FMN2: variants seen among roughly 807,000 people sequenced by gnomAD.
FMN2 encodes formin-2.
Under a neutral mutation model 142.3 loss-of-function variants are expected in FMN2, and 51 were observed. That is an observed-to-expected ratio of 0.36 (90% CI 0.29 to 0.45). FMN2 has a LOEUF of 0.45. Among genes scored for constraint, FMN2 ranks in the 20% least tolerant of loss-of-function variants. FMN2 has a pLI of 1.00. For synonymous variants in FMN2, 882 were observed against 869.8 expected (o/e 1.01, Z -0.25); for missense variants, 1,936 against 2,122.8 (o/e 0.91, Z 1.73).
rs139965554 is a variant in FMN2, at chr1:240,381,017, T to TA, written c.4859-11487dup. On this transcript the variant is annotated intron_variant, in intron 14 of 17. Coordinates refer to ENST00000319653, the MANE Select transcript of FMN2 (RefSeq NM_020066.5). ...AATGAAATTGAGTCAGTAATTTTTTTAAAAAAATCTCTAAACAAAAATAAG... is the reference window on the plus strand; with the variant it reads ...AATGAAATTGAGTCAGTAATTTTTTTAAAAAAAATCTCTAAACAAAAATAAG... Among the ~76,000 whole-genome samples the TA allele has an allele frequency of 4.8e-3, 733 of 152,196 alleles. 2 individuals are homozygous for TA. Among genetic ancestry groups the TA allele is most frequent in the African/African-American group, 0.017 (692 of 41,524 alleles).
intron 15 of FMN2, among the ~76,000 whole-genome samples, chr1:240,419,339 A>G (rs1478154703): frequency 1.3e-5 from 2 of 152,108 alleles, no homozygotes; most frequent in Admixed American, 6.5e-5. Context: ...ATATTGGTAC[A>G]TATCAGCTCT....
At chr1:240,122,550 T>C (rs913502340) in intron 1 of FMN2, among the ~76,000 whole-genome samples, 3 of 152,118 alleles carry the variant, frequency 2.0e-5, no homozygotes, top group Non-Finnish European at 2.9e-5. Context: ...CCCAAAGTGC[T>C]GGGATTACAG....
chr1:240,280,350 C>T (rs1669354889), intron 7 of FMN2, among the ~76,000 whole-genome samples: 2 of 144,410 alleles, frequency 1.4e-5, no homozygotes, highest in Admixed American at 1.4e-4. Flanking sequence ...GTTTGTGTAG[C>T]ACTACACTGA....
At chr1:240,158,410 A>T (rs1571999861) in intron 2 of FMN2, among the ~76,000 whole-genome samples, 1 of 152,098 alleles carries the variant, frequency 6.6e-6, no homozygotes, top group Admixed American at 6.6e-5. Flanking sequence ...TATATAATTT[A>T]TTCTTATCAA....
chr1:240,367,823 T>C (rs1672734384), intron 14 of FMN2, among the ~76,000 whole-genome samples: 1 of 141,726 alleles, frequency 7.1e-6, no homozygotes, highest in Admixed American at 7.0e-5. Context: ...TTGGTAAAGA[T>C]AATGTCCTTT....
intron 1 of FMN2, among the ~76,000 whole-genome samples, chr1:240,107,563 T>A (rs16839436): frequency 0.053 from 8,116 of 152,222 alleles, 717 homozygotes; most frequent in African/African-American, 0.18. Flanking sequence ...CATGACCTTT[T>A]AAAAAAATAC....
At chr1:240,210,965 C>G (rs1396045212) in intron 5 of FMN2, 126 bp from the exon 6 acceptor site, 3 of 770,486 alleles carry the variant, frequency 3.9e-6, no homozygotes, top group Non-Finnish European at 6.0e-6. Context: ...TCCTTCTTAT[C>G]TCTCTTCTTT....
chr1:240,177,163 G>A (rs947014922), intron 2 of FMN2, among the ~76,000 whole-genome samples: 3 of 152,140 alleles, frequency 2.0e-5, no homozygotes, highest in Non-Finnish European at 4.4e-5. Flanking sequence ...ATCCTAAAAT[G>A]GTTGAACACA....
At chr1:240,346,861 A>G (rs7552602) in intron 13 of FMN2, among the ~76,000 whole-genome samples, 51,092 of 152,030 alleles carry the variant, frequency 0.34, 8,958 homozygotes, top group Admixed American at 0.45. Context: ...TAAAGAACAT[A>G]AGAAATTTAA....
At chr1:240,179,247 C>T (rs1665052674) in intron 3 of FMN2, 1 of 150,090 alleles carries the variant, frequency 6.7e-6, no homozygotes, top group Non-Finnish European at 1.5e-5. Flanking sequence ...CATGAGGTCC[C>T]TTTCAACCGA....
intron 16 of FMN2, among the ~76,000 whole-genome samples, chr1:240,464,826 A>G (rs12746808): frequency 0.28 from 43,214 of 152,046 alleles, 7,184 homozygotes; most frequent in East Asian, 0.51. Context: ...AAGCAGCTCA[A>G]AGATGTTTTT....
chr1:240,303,897 T>A (rs1048700932), intron 8 of FMN2, among the ~76,000 whole-genome samples: 3 of 152,168 alleles, frequency 2.0e-5, no homozygotes, highest in African/African-American at 7.2e-5. Context: ...CTGATCCATC[T>A]TCAAGTTCAT....
chr1:240,294,787 T>G (rs1432002399), intron 7 of FMN2, 35 bp from the exon 8 acceptor site: 1 of 1,608,216 alleles, frequency 6.2e-7, no homozygotes, highest in Non-Finnish European at 8.5e-7. Flanking sequence ...CACAGGTGGC[T>G]TATGGCAATT....
intron 6 of FMN2, among the ~76,000 whole-genome samples, chr1:240,213,112 T>G (rs1464772890): frequency 1.3e-5 from 2 of 152,228 alleles, no homozygotes; most frequent in Non-Finnish European, 2.9e-5. Context: ...AACTTCACAT[T>G]AAACTAGTTG....
intron 7 of FMN2, among the ~76,000 whole-genome samples, chr1:240,269,246 ATT>A (rs1668912020): frequency 6.6e-6 from 1 of 151,834 alleles, no homozygotes; most frequent in South Asian, 2.1e-4. Flanking sequence ...ATCTATTTTC[ATT>A]TTTGTGTATA....
At chr1:240,191,066 A>G (rs570010241) in intron 4 of FMN2, among the ~76,000 whole-genome samples, 2 of 152,300 alleles carry the variant, frequency 1.3e-5, no homozygotes, top group South Asian at 4.1e-4. Flanking sequence ...TTTCTGGTCC[A>G]TCAGCGTTGC....
intron 16 of FMN2, among the ~76,000 whole-genome samples, chr1:240,456,684 G>A (rs1042186477): frequency 6.6e-6 from 1 of 152,134 alleles, no homozygotes; most frequent in Non-Finnish European, 1.5e-5. Flanking sequence ...GCGAACTCCC[G>A]ACCTCAGGTG....
At position 240,371,131 on chromosome 1, in the gene FMN2, T is replaced by G. The variant is rs565264899; in HGVS notation, c.4858+15223T>G. On this transcript the variant is annotated intron_variant, in intron 14 of 17. Transcript: ENST00000319653. The stretch of plus-strand genomic sequence containing the variant: ...TTTTTTTTTATTTTTTGTTTTTTGG[T>G]TTTTTTTTGGTAGAGACGAGGTTTC... 2.5e-3 allele frequency among the ~76,000 whole-genome samples: 374 copies of G among 150,924 alleles called. 1 individual carries two copies. Among genetic ancestry groups the G allele is most frequent in the African/African-American group, 8.1e-3 (331 of 41,108 alleles).
intron 6 of FMN2, among the ~76,000 whole-genome samples, chr1:240,238,133 A>G (rs1311734783): frequency 1.3e-5 from 2 of 152,178 alleles, no homozygotes; most frequent in Non-Finnish European, 2.9e-5. Flanking sequence ...TACTTATCGA[A>G]AATTCAAATT....
Sources: allele counts gnomAD v4.1 joint callset (sites outside exome capture counted in the v4.1 genomes callset), GRCh38; gene constraint gnomAD v4.1.1; transcripts MANE v1.5; gene names NCBI Gene and HGNC (gene_info 2026-07-23, HGNC 2026-07-21).